The following ARSJ variants were observed in gnomAD, a reference collection of about 807,000 sequenced individuals.
ARSJ encodes arylsulfatase family member J.
ARSJ carries 26 observed loss-of-function variants against 35.9 expected under a neutral mutation model. The ratio of observed to expected loss-of-function variants is 0.72; its 90% CI spans 0.53 to 1.00. The LOEUF (loss-of-function observed/expected upper bound fraction) is 1.00. Among genes scored for constraint, ARSJ ranks in the 50% least tolerant of loss-of-function variants. ARSJ has a pLI of 0.00. For synonymous variants in ARSJ, 294 were observed against 267.6 expected, an observed-to-expected ratio of 1.10 and a Z score of -0.96; for missense variants, 667 against 723.6, an observed-to-expected ratio of 0.92 and a Z score of 0.90.
At chr4:113,915,835 C>T (rs1031596467) in intron 1 of ARSJ, among the ~76,000 whole-genome samples, 3 of 152,190 alleles carry the variant, frequency 2.0e-5, no homozygotes, top group Non-Finnish European at 4.4e-5. Context: ...ACTCTTTCTA[C>T]AACAATAGAG....
At chr4:113,941,052 C>A (rs1170560620) in intron 1 of ARSJ, among the ~76,000 whole-genome samples, 2 of 151,900 alleles carry the variant, frequency 1.3e-5, no homozygotes, top group African/African-American at 2.4e-5. Context: ...GCAAATAGAT[C>A]TTTCTATTTG....
chr4:113,974,585 A>G (rs1301276224), intron 1 of ARSJ, among the ~76,000 whole-genome samples: 1 of 152,216 alleles, frequency 6.6e-6, no homozygotes, highest in African/African-American at 2.4e-5. Flanking sequence ...CAACTTTATT[A>G]GTTGTCAGGA....
intron 1 of ARSJ, among the ~76,000 whole-genome samples, chr4:113,938,676 G>C (rs1187613938): frequency 6.6e-6 from 1 of 151,202 alleles, no homozygotes. Context: ...TACAAAGGTA[G>C]ATTACAGACC....
intron 1 of ARSJ, among the ~76,000 whole-genome samples, chr4:113,950,383 G>A (rs1414308961): frequency 6.6e-6 from 1 of 152,036 alleles, no homozygotes; most frequent in Non-Finnish European, 1.5e-5. Context: ...GCTATTCCTA[G>A]CATAGCAGAT....
intron 1 of ARSJ, chr4:113,944,081 T>C (rs981986940): frequency 2.0e-5 from 3 of 152,090 alleles, no homozygotes; most frequent in Admixed American, 2.0e-4. Context: ...TGAACACTGC[T>C]GCAAAAGCAA....
At position 113,902,384 on chromosome 4, in the gene ARSJ, G is replaced by T; in HGVS notation, c.1690C>A (p.Pro564Thr). 1 of 1,613,354 alleles carries T rather than the reference G, an allele frequency of 6.2e-7. No homozygotes were observed. Among genetic ancestry groups the T allele is most frequent in the Non-Finnish European group, 8.5e-7 (1 of 1,179,794 alleles). Residue 564 changes from proline (P) to threonine (T), a missense_variant, in exon 2 of 2, where the codon CCA (proline) becomes ACA (threonine). Transcript: ENST00000315366. ...TTTTTCTCAGCCTGATTTTTGCTTG[G>T]CTTCTTTTTCTTGGTTTCCTCTTTA... is the stretch of plus-strand genomic sequence containing the variant. The part of the protein sequence containing the change: ...WYKEETKKKK[P>T]SKNQAEKKQK...
chr4:113,962,481 A>AT (rs1196059643), intron 1 of ARSJ, among the ~76,000 whole-genome samples: 1 of 130,680 alleles, frequency 7.7e-6, no homozygotes, highest in Non-Finnish European at 1.7e-5. Flanking sequence ...TGGAGCAGGC[A>AT]CCTTTTTTTT....
chr4:113,911,959 GAA>G (rs1458016558), intron 1 of ARSJ, among the ~76,000 whole-genome samples: 1 of 152,110 alleles, frequency 6.6e-6, no homozygotes, highest in Admixed American at 6.6e-5. Flanking sequence ...GTATTTAAAA[GAA>G]AAGAGTGGTG....
chr4:113,947,350 T>C (rs2149272903), intron 1 of ARSJ, among the ~76,000 whole-genome samples: 1 of 151,946 alleles, frequency 6.6e-6, no homozygotes, highest in Admixed American at 6.6e-5. Flanking sequence ...TATCTTGGCA[T>C]GCACCTGTGG....
chr4:113,951,450 TC>T, intron 1 of ARSJ, among the ~76,000 whole-genome samples: 1 of 152,180 alleles, frequency 6.6e-6, no homozygotes, highest in Non-Finnish European at 1.5e-5. Flanking sequence ...TCAGATGTGG[TC>T]TGGACAGTGT....
In ARSJ at chr4:113,903,423, C is replaced by T. The variant is rs1275871149; in HGVS notation, c.651G>A (p.Met217Ile). 1 of 1,614,102 alleles carries T rather than the reference C, an allele frequency of 6.2e-7. No individual in the cohort carries two copies. The highest frequency in any genetic ancestry group is 8.5e-7 in the Non-Finnish European group (1 of 1,180,048). Residue 217 changes from methionine to isoleucine, a missense_variant, in exon 2 of 2, where the codon ATG (methionine) becomes ATA (isoleucine). Physicochemically the swap from Met to Ile is conservative, Grantham distance 10. Transcript: ENST00000315366. ...CGTTTTCATACAAGTCATAGCCACA[C>T]ATCCCAGGACTGTCACATTTGTAGT... ...YTHYKCDSPG[M>I]CGYDLYENDN...
Position 113,902,047 on chromosome 4 carries a change from C to A in ARSJ, c.*227G>T. ...TTTCTAAAGGAGCAAGAGAAATAAA[C>A]ATCTCCACTCTCTCTAAGTGTGGCT... On this transcript the variant is annotated 3_prime_UTR_variant, in exon 2 of 2. Coordinates refer to ENST00000315366, the MANE Select transcript of ARSJ (RefSeq NM_024590.4). 4 of 1,349,602 alleles carry A rather than the reference C, an allele frequency of 3.0e-6. No homozygotes were observed. The highest frequency in any genetic ancestry group is 2.0e-4 in the Middle Eastern group (1 of 5,068). The allele number at this position is 1,349,602 out of a possible 1,614,324, so 83.6% of individuals were successfully genotyped here. A position where few individuals can be genotyped will look rare whatever the true frequency, so the allele number is the denominator to read the frequency against.
intron 1 of ARSJ, among the ~76,000 whole-genome samples, chr4:113,910,854 C>T (rs1302477281): frequency 1.3e-5 from 2 of 152,098 alleles, no homozygotes; most frequent in Non-Finnish European, 2.9e-5. Flanking sequence ...AACAGACAAG[C>T]CATTAGAGGA....
intron 1 of ARSJ, among the ~76,000 whole-genome samples, chr4:113,931,477 C>T (rs1724446304): frequency 6.6e-6 from 1 of 152,032 alleles, no homozygotes; most frequent in African/African-American, 2.4e-5. Flanking sequence ...TAGAGTAACG[C>T]CACCCTTAAC....
intron 1 of ARSJ, among the ~76,000 whole-genome samples, chr4:113,971,983 G>A (rs960379069): frequency 3.9e-5 from 6 of 152,314 alleles, no homozygotes; most frequent in Admixed American, 3.9e-4. Context: ...TATCAGAGTG[G>A]CTGAAAGAAT....
At chr4:113,953,140 G>A (rs547313764) in intron 1 of ARSJ, among the ~76,000 whole-genome samples, 1 of 152,174 alleles carries the variant, frequency 6.6e-6, no homozygotes, top group African/African-American at 2.4e-5. Flanking sequence ...GATCTCAACA[G>A]AGATTAGTTG....
intron 1 of ARSJ, among the ~76,000 whole-genome samples, chr4:113,961,941 G>A (rs1022864117): frequency 5.8e-5 from 7 of 121,290 alleles, no homozygotes; most frequent in Middle Eastern, 4.5e-3. Context: ...GTGTGTGTGT[G>A]TAAACACTTG....
intron 1 of ARSJ, among the ~76,000 whole-genome samples, chr4:113,946,809 G>A (rs532213615): frequency 4.6e-5 from 7 of 152,152 alleles, no homozygotes; most frequent in Non-Finnish European, 8.8e-5. Flanking sequence ...TTATTTTGGC[G>A]ACTTGAATTA....
In ARSJ at chr4:113,903,016, A is replaced by C; in HGVS notation, c.1058T>G (p.Ile353Ser). The change falls in exon 2 of 2, where the codon ATC (isoleucine) becomes AGC (serine). Residue 353 changes from isoleucine (I) to serine (S), a missense_variant. Coordinates refer to ENST00000315366, the MANE Select transcript of ARSJ (RefSeq NM_024590.4). Reference sequence around the variant, plus strand: ...GCTATGCACAAAGCCTACAGCCCGGATCCCTCCTTCCCAATATGTTCCTTT... The same window carrying C: ...GCTATGCACAAAGCCTACAGCCCGGCTCCCTCCTTCCCAATATGTTCCTTT... ...GSKGTYWEGG[I>S]RAVGFVHSPL... The C allele has an allele frequency of 6.2e-7, 1 of 1,614,098 alleles. No individual in the cohort carries two copies. The highest frequency in any genetic ancestry group is 1.1e-5 in the South Asian group (1 of 91,080).
Sources: allele counts gnomAD v4.1 joint callset (sites outside exome capture counted in the v4.1 genomes callset), GRCh38; gene constraint gnomAD v4.1.1; transcripts MANE v1.5; gene names NCBI Gene and HGNC (gene_info 2026-07-23, HGNC 2026-07-21).